The following CUBN variants were observed in gnomAD, a reference collection of about 807,000 sequenced individuals.
The protein encoded by CUBN is 460 kDa receptor.
CUBN carries 282 observed loss-of-function variants against 405.3 expected under a neutral mutation model. The observed-to-expected ratio is 0.70, with a 90% CI of 0.63 to 0.77. CUBN has a LOEUF of 0.77. Ranked by LOEUF, CUBN falls within the 30% of genes least tolerant of loss-of-function variation. The pLI is 0.00. For synonymous variants in CUBN, 1,684 were observed against 1,617.0 expected (o/e 1.04, Z -0.99); for missense variants, 4,514 against 4,475.2 (o/e 1.01, Z -0.25).
intron 26 of CUBN, among the ~76,000 whole-genome samples, chr10:17,041,808 T>C (rs1398945911): frequency 6.6e-6 from 1 of 152,026 alleles, no homozygotes; most frequent in Admixed American, 6.6e-5. Context: ...ACCAAGCGAA[T>C]AGATAGAGTA....
intron 17 of CUBN, among the ~76,000 whole-genome samples, chr10:17,083,515 A>AC (rs1836019839): frequency 6.9e-6 from 1 of 145,612 alleles, no homozygotes. Flanking sequence ...CAAAATAAAT[A>AC]AATACATACA....
rs527810388 is a variant in CUBN at position 17,082,219 on chromosome 10, A to G, written c.2301+2052T>C. 9.8e-5 allele frequency among the ~76,000 whole-genome samples: 15 copies of G among 152,372 alleles called. No homozygotes were observed. The South Asian group carries it at 2.3e-3, about 23-fold the overall frequency. ...ACCCCCAAAGTTTAGAGAAATAGATAGGACATCTTACTGAAGTAGGAACTG... is the reference window on the plus strand; with the variant it reads ...ACCCCCAAAGTTTAGAGAAATAGATGGGACATCTTACTGAAGTAGGAACTG... On this transcript the variant is annotated intron_variant, in intron 17 of 66. Transcript: ENST00000377833.
intron 56 of CUBN, among the ~76,000 whole-genome samples, chr10:16,877,837 C>A (rs780653459): frequency 1.6e-4 from 24 of 152,086 alleles, no homozygotes; most frequent in Admixed American, 4.6e-4. Context: ...ACAACATATC[C>A]AGTGATTTTT....
chr10:17,031,440 G>T (rs1413687879), intron 27 of CUBN, among the ~76,000 whole-genome samples: 1 of 152,154 alleles, frequency 6.6e-6, no homozygotes, highest in African/African-American at 2.4e-5. Flanking sequence ...GGAAAGTGAG[G>T]CACATAGACA....
Position 17,010,388 on chromosome 10 carries a change from C to T in CUBN, c.4168+9445G>A, listed in dbSNP as rs189710907. Among the ~76,000 whole-genome samples, 356 of 152,226 alleles carry T rather than the reference C, an allele frequency of 2.3e-3. 1 individual carries two copies. Among genetic ancestry groups the T allele is most frequent in the Admixed American group, 5.8e-3 (89 of 15,280 alleles). On this transcript the variant is annotated intron_variant, in intron 28 of 66. Transcript: ENST00000377833. ...AGGTGCAGTGGCTCACACCTGTAAT[C>T]CCATCACTTTGGGAGGCCAAGGCAG... is the stretch of plus-strand genomic sequence containing the variant.
rs569438290 is a variant in CUBN, at chr10:16,908,066, G to A, written c.7534-387C>T. 6.6e-5 allele frequency among the ~76,000 whole-genome samples: 10 copies of A among 152,192 alleles called. No homozygotes were observed. In the South Asian group the frequency reaches 2.1e-3, roughly 32 times the overall value. On this transcript the variant is annotated intron_variant, in intron 48 of 66. Transcript: ENST00000377833. ...CAATGCATCAGGACATTTGTTACTT[G>A]GAAGGGAAGCTTAAATATCAGTTTC...
At chr10:17,098,155 G>T (rs1392595114) in intron 14 of CUBN, among the ~76,000 whole-genome samples, 1 of 152,146 alleles carries the variant, frequency 6.6e-6, no homozygotes, top group Non-Finnish European at 1.5e-5. Flanking sequence ...TAGCCTAGTT[G>T]AACTCTCATT....
chr10:17,075,771 A>G (rs1835843730), intron 17 of CUBN, among the ~76,000 whole-genome samples: 1 of 152,192 alleles, frequency 6.6e-6, no homozygotes, highest in Non-Finnish European at 1.5e-5. Context: ...CAAATTTCAC[A>G]TATTGTAGTA....
At chr10:16,834,962 G>T in intron 64 of CUBN, 52 bp downstream of exon 64, 1 of 1,527,984 alleles carries the variant, frequency 6.5e-7, no homozygotes, top group Non-Finnish European at 9.1e-7. Context: ...AATCTTAAGT[G>T]ATCCACCATC....
At chr10:17,090,081 T>C (rs112785134) in intron 14 of CUBN, among the ~76,000 whole-genome samples, 1,719 of 151,944 alleles carry the variant, frequency 0.011, 32 homozygotes, top group African/African-American at 0.04. Context: ...GCACCCTGTC[T>C]CAAAAATAAA....
chr10:16,939,141 C>T lies in CUBN; in HGVS notation c.5555G>A (p.Gly1852Asp), dbSNP rs561534882. Reference sequence around the variant, plus strand: ...ATGAGTTCCCACAATATTATCATTGCCAAATACTAGGAGGGAAGACAGAGT... The same window carrying T: ...ATGAGTTCCCACAATATTATCATTGTCAAATACTAGGAGGGAAGACAGAGT... ...GFQATFMKIF[G>D]NDNIVGTHGK... Residue 1852 changes from glycine (G) to aspartate (D), a missense_variant, in exon 38 of 67, where the codon GGC becomes GAC. This residue lies in a region of CUBN where 1,613 missense variants were observed against 1,542.8 expected (regional missense o/e 1.05). Transcript: ENST00000377833. The T allele has an allele frequency of 1.9e-6, 3 of 1,613,074 alleles. No individual in the cohort carries two copies. In the East Asian group the frequency reaches 6.7e-5, roughly 36 times the overall value.
intron 25 of CUBN, among the ~76,000 whole-genome samples, chr10:17,044,202 T>C (rs1835073993): frequency 6.8e-6 from 1 of 146,954 alleles, no homozygotes; most frequent in South Asian, 2.1e-4. Context: ...TATATATGTA[T>C]TCAACACATA....
chr10:16,846,584 G>T (rs553899384), intron 60 of CUBN, among the ~76,000 whole-genome samples: 1 of 152,084 alleles, frequency 6.6e-6, no homozygotes. Flanking sequence ...GGCCAAGGTA[G>T]GTGGATCACC....
chr10:17,026,307 T>C (rs761574129), intron 27 of CUBN, among the ~76,000 whole-genome samples: 26 of 152,190 alleles, frequency 1.7e-4, no homozygotes, highest in Admixed American at 3.3e-4. Flanking sequence ...GGCTTTGAAA[T>C]GTTCCTGTAA....
At chr10:16,890,262 G>T (rs987544259) in intron 55 of CUBN, 109 bp downstream of exon 55, 5 of 1,007,214 alleles carry the variant, frequency 5.0e-6, no homozygotes, top group Non-Finnish European at 7.9e-6. Flanking sequence ...CATCCTCCCC[G>T]TAGACCCCCA....
At position 16,874,350 on chromosome 10, in the gene CUBN, A is replaced by C. The variant is rs1033589191; in HGVS notation, c.9236+24T>G. ...AAATAATGCTGAAAGGATTTTCTTA[A>C]GAAAGCCAATTTGTCTTACGTACTT... is the stretch of plus-strand genomic sequence containing the variant. On this transcript the variant is annotated intron_variant, in intron 58 of 66. Transcript: ENST00000377833. The C allele has an allele frequency of 6.2e-6, 10 of 1,613,716 alleles. No individual in the cohort carries two copies. The African/African-American group carries it at 8.0e-5, about 13-fold the overall frequency.
chr10:16,940,259 T>G (rs368610605), intron 36 of CUBN, 22 bp from the exon 37 acceptor site: 2 of 1,593,696 alleles, frequency 1.3e-6, no homozygotes, highest in African/African-American at 2.7e-5. Context: ...AAAAAAATAT[T>G]TAAAGGGATT....
chr10:16,853,305 G>C (rs1331442137), intron 59 of CUBN, among the ~76,000 whole-genome samples: 2 of 152,176 alleles, frequency 1.3e-5, no homozygotes, highest in Admixed American at 6.5e-5. Flanking sequence ...CACAAATATA[G>C]GTCATGGCTA....
At chr10:16,854,976 CTTT>C (rs1262179850) in intron 59 of CUBN, among the ~76,000 whole-genome samples, 1 of 132,342 alleles carries the variant, frequency 7.6e-6, no homozygotes, top group East Asian at 2.7e-4. Flanking sequence ...CTCACTCCTT[CTTT>C]TTTCTTCCTT....
Sources: gnomAD v4.1 joint callset for allele counts (sites outside exome capture counted in the v4.1 genomes callset) on GRCh38, gnomAD v4.1.1 for gene constraint, gnomAD v4.1.1 regional missense constraint, MANE v1.5 for transcripts, NCBI Gene and HGNC (gene_info 2026-07-23, HGNC 2026-07-21) for gene names.